LAIR1: variants seen among roughly 807,000 people sequenced by gnomAD.
LAIR1 encodes the protein leukocyte associated immunoglobulin like receptor 1, also known as leukocyte-associated immunoglobulin-like receptor 1.
A neutral mutation model predicts 32.8 loss-of-function variants in LAIR1; 24 were observed. The ratio of observed to expected loss-of-function variants is 0.73; its 90% CI spans 0.53 to 1.03. LAIR1 has a LOEUF of 1.03. LAIR1 is among the 50% of genes least tolerant of loss of function. LAIR1 has a pLI of 0.00. For missense variants in LAIR1, 355 were observed against 347.5 expected (o/e 1.02, Z -0.17); for synonymous variants, 150 against 140.5 (o/e 1.07, Z -0.48).
At chr19:54,359,323 A>G (rs2081891442) in intron 4 of LAIR1, among the ~76,000 whole-genome samples, 2 of 151,804 alleles carry the variant, frequency 1.3e-5, no homozygotes, top group South Asian at 4.2e-4. Context: ...GGACAACTTG[A>G]GACCCAGGGA....
At chr19:54,368,018 C>T (rs1207941371), upstream of LAIR1, among the ~76,000 whole-genome samples, 2 of 151,724 alleles carry the variant, frequency 1.3e-5, no homozygotes, top group African/African-American at 2.4e-5. Flanking sequence ...ATGATCCACC[C>T]GCCTCGGCCT....
Position 54,355,320 on chromosome 19 carries a change from G to A in LAIR1, c.812C>T (p.Ser271Phe). The change falls in exon 10 of 10, where the codon TCC becomes TTC. Residue 271 changes from serine to phenylalanine, a missense_variant. Coordinates refer to ENST00000391742, the MANE Select transcript of LAIR1 (RefSeq NM_002287.6). The surrounding 1 kb of genome is among the most constrained non-coding windows in gnomAD (Gnocchi z 4.7). ...QRTARAVSPQ[S>F]TKPMAESITY... is the part of the protein sequence containing the mutation. ...GATGGACTCGGCCATGGGCTTTGTG[G>A]ACTGTGGGGACACAGCCCGGGCTGT... 1 of 1,613,492 alleles carries A rather than the reference G, an allele frequency of 6.2e-7. No individual in the cohort carries two copies.
chr19:54,358,485 C>G (rs751852727), intron 4 of LAIR1: 1 of 1,424,078 alleles, frequency 7.0e-7, no homozygotes, highest in African/African-American at 1.5e-5. Flanking sequence ...ATATTTTTAT[C>G]TGTATATGCA....
At chr19:54,365,786 A>AC (rs886424062), upstream of LAIR1, among the ~76,000 whole-genome samples, 1 of 152,080 alleles carries the variant, frequency 6.6e-6, no homozygotes, top group African/African-American at 2.4e-5. Flanking sequence ...CTGTCTAAAA[A>AC]AAAAAAAAAA....
chr19:54,374,188 G>C (rs1285450369), upstream of LAIR1, among the ~76,000 whole-genome samples: 3 of 152,084 alleles, frequency 2.0e-5, no homozygotes, highest in Non-Finnish European at 2.9e-5. Context: ...CCAGGAGCAT[G>C]ATGTTGTGAC....
Position 54,354,697 on chromosome 19 carries a change from A to G in LAIR1, c.*571T>C, listed in dbSNP as rs1346295184. On this transcript the variant is annotated 3_prime_UTR_variant, in exon 10 of 10. Transcript: ENST00000391742. ...AGATGTGAGGCCTTCAAAATTATTTATTGATGCGTGGAGTAAAGCACAACC... is the reference window on the plus strand; with the variant it reads ...AGATGTGAGGCCTTCAAAATTATTTGTTGATGCGTGGAGTAAAGCACAACC... The G allele has an allele frequency of 6.6e-6, 1 of 152,218 alleles. No homozygotes were observed. The highest frequency in any genetic ancestry group is 1.5e-5 in the Non-Finnish European group (1 of 68,070). 9.4% of individuals were successfully genotyped at this position (152,218 alleles called of 1,614,324 possible).
At chr19:54,363,517 C>T (rs926557770) in intron 2 of LAIR1, among the ~76,000 whole-genome samples, 1 of 152,204 alleles carries the variant, frequency 6.6e-6, no homozygotes, top group Non-Finnish European at 1.5e-5. Flanking sequence ...CGCAGCACTA[C>T]TCACAGCCGC....
chr19:54,373,440 T>C (rs1349503985), upstream of LAIR1, among the ~76,000 whole-genome samples: 2 of 151,130 alleles, frequency 1.3e-5, no homozygotes, highest in Non-Finnish European at 2.9e-5. Flanking sequence ...CGAGACTCCG[T>C]CTCAAAAATA....
rs113562092 is a variant in LAIR1, at chr19:54,352,968, G to A, written c.*2300C>T. ...GAGGTCGGGAGTTCAAGACCAGCCTGAGCAACATGGAGAGCCCCCCGTCTC... is the reference window on the plus strand; with the variant it reads ...GAGGTCGGGAGTTCAAGACCAGCCTAAGCAACATGGAGAGCCCCCCGTCTC... On this transcript the variant is annotated 3_prime_UTR_variant, in exon 10 of 10. Transcript: ENST00000391742. The A allele has an allele frequency of 0.82, 124,480 of 151,908 alleles. 51,560 individuals are homozygous for A. The highest frequency in any genetic ancestry group is 0.88 in the Non-Finnish European group (60,097 of 68,012). 9.4% of individuals were successfully genotyped at this position (151,908 alleles called of 1,614,324 possible).
At chr19:54,367,237 T>C (rs998599381), upstream of LAIR1, among the ~76,000 whole-genome samples, 1 of 152,174 alleles carries the variant, frequency 6.6e-6, no homozygotes, top group Non-Finnish European at 1.5e-5. Context: ...TGACCAGTCT[T>C]CCTCCTGAGA....
chr19:54,355,203 G>T lies in LAIR1; in HGVS notation c.*65C>A. On this transcript the variant is annotated 3_prime_UTR_variant, in exon 10 of 10. Transcript: ENST00000391742. The surrounding 1 kb of genome is among the most constrained non-coding windows in gnomAD (Gnocchi z 4.7). ...AATCCAACAGGAAGCCTTCCAAATG[G>T]CTGCTTCAGGCTTTTCCTAGAGTGA... 1 of 1,416,348 alleles carries T rather than the reference G, an allele frequency of 7.1e-7. No homozygotes were observed. The highest frequency in any genetic ancestry group is 1.4e-5 in the South Asian group (1 of 70,874). The allele number at this position is 1,416,348 out of a possible 1,614,324, so 87.7% of individuals were successfully genotyped here.
chr19:54,375,352 C>A (rs763889431), upstream of LAIR1, among the ~76,000 whole-genome samples: 1 of 152,152 alleles, frequency 6.6e-6, no homozygotes, highest in East Asian at 1.9e-4. Flanking sequence ...GCGCCCGCCC[C>A]GCTGTGCAGA....
At chr19:54,360,691 C>G (rs1416414478) in intron 3 of LAIR1, 8 of 572,906 alleles carry the variant, frequency 1.4e-5, no homozygotes, top group Middle Eastern at 4.5e-4. Context: ...AGCTGAGTGT[C>G]CACGCCATCC....
At position 54,355,874 on chromosome 19, in the gene LAIR1, C is replaced by A. The variant is rs946596435; in HGVS notation, c.717+80G>T. On this transcript the variant is annotated intron_variant, in intron 9 of 9. Transcript: ENST00000391742. The surrounding 1 kb of genome is among the most constrained non-coding windows in gnomAD (Gnocchi z 4.7). ...CCGGAACCGCCCAGCTGAGCCACTC[C>A]TGAATTCCTAACCCAAGGAACTGAG... 32 of 1,014,634 alleles carry A rather than the reference C, an allele frequency of 3.2e-5. No individual in the cohort carries two copies. Among genetic ancestry groups the A allele is most frequent in the Middle Eastern group, 2.0e-4 (1 of 4,912 alleles). The allele number at this position is 1,014,634 out of a possible 1,614,324, so 62.9% of individuals were successfully genotyped here.
chr19:54,354,788 C>G lies in LAIR1; in HGVS notation c.*480G>C, dbSNP rs973706704. On this transcript the variant is annotated 3_prime_UTR_variant, in exon 10 of 10. Transcript: ENST00000391742. ...CAGTCTCAAGGCTAGCTCTTGACTT[C>G]TAGGAAGGTCTTTAGGGTCAGCAGG... The G allele has an allele frequency of 1.9e-5, 3 of 153,982 alleles. No homozygotes were observed. The highest frequency in any genetic ancestry group is 7.2e-5 in the African/African-American group (3 of 41,496). The allele number at this position is 153,982 out of a possible 1,614,324, so 9.5% of individuals were successfully genotyped here.
At position 54,356,392 on chromosome 19, in the gene LAIR1, G is replaced by T; in HGVS notation, c.590C>A (p.Pro197His). ...CTTCTGCTCCTCGTCCTTGCTTCTG[G>T]GGGGCCCTAAGGACAGTCGGGGTGT... ...HRQNQIKQGPPRSKDEEQKPQ... is the reference protein window; with the variant it reads ...HRQNQIKQGPHRSKDEEQKPQ... Residue 197 changes from proline to histidine, a missense_variant, in exon 7 of 10, where the codon CCC becomes CAC. Physicochemically the swap from Pro to His is moderately conservative, Grantham distance 77. Transcript: ENST00000391742. The T allele has an allele frequency of 1.3e-6, 2 of 1,593,158 alleles. No individual in the cohort carries two copies. The highest frequency in any genetic ancestry group is 1.7e-6 in the Non-Finnish European group (2 of 1,169,956).
intron 2 of LAIR1, among the ~76,000 whole-genome samples, chr19:54,361,983 G>A (rs1168100694): frequency 5.9e-5 from 9 of 151,446 alleles, no homozygotes; most frequent in Non-Finnish European, 1.2e-4. Flanking sequence ...ATCCCTGAGC[G>A]GGGCAGAGAG....
intron 4 of LAIR1, among the ~76,000 whole-genome samples, chr19:54,359,673 C>A (rs1317029526): frequency 6.6e-6 from 1 of 152,246 alleles, no homozygotes; most frequent in African/African-American, 2.4e-5. Context: ...GTGGGTGGCC[C>A]CTGCCCCTTC....
At chr19:54,372,896 C>G (rs1178113888), upstream of LAIR1, among the ~76,000 whole-genome samples, 11 of 151,360 alleles carry the variant, frequency 7.3e-5, no homozygotes. Context: ...TTTGGAAGGT[C>G]GAGGCGGATG....
Sources: gnomAD v4.1 joint callset for allele counts (sites outside exome capture counted in the v4.1 genomes callset) on GRCh38, gnomAD v4.1.1 for gene constraint, Gnocchi (gnomAD v3.1) non-coding constraint, MANE v1.5 for transcripts, NCBI Gene and HGNC (gene_info 2026-07-23, HGNC 2026-07-21) for gene names.